NETO2: variants seen among roughly 807,000 people sequenced by gnomAD.
The protein encoded by NETO2 is neuropilin and tolloid-like protein 2.
NETO2 carries 28 observed loss-of-function variants against 62.5 expected under a neutral mutation model. That is an observed-to-expected ratio of 0.45 (90% CI 0.33 to 0.61). The LOEUF (loss-of-function observed/expected upper bound fraction) is 0.61, where lower values mean the gene tolerates loss of function less well. Ranked by LOEUF, NETO2 falls within the 20% of genes least tolerant of loss-of-function variation. NETO2 has a pLI of 0.02. For missense variants in NETO2, 548 were observed against 643.2 expected, an observed-to-expected ratio of 0.85 and a Z score of 1.60; for synonymous variants, 214 against 219.1, an observed-to-expected ratio of 0.98 and a Z score of 0.21.
intron 1 of NETO2, among the ~76,000 whole-genome samples, chr16:47,138,206 C>T (rs890015293): frequency 4.6e-5 from 7 of 152,128 alleles, no homozygotes; most frequent in Admixed American, 3.9e-4. Flanking sequence ...TCAAGACCAG[C>T]CTGAACAATA....
In NETO2 at chr16:47,105,875, G is replaced by A. The variant is rs188154813; in HGVS notation, c.883+3608C>T. Among the ~76,000 whole-genome samples the A allele has an allele frequency of 5.9e-5, 9 of 152,244 alleles. No individual in the cohort carries two copies. The East Asian group carries it at 7.7e-4, about 13-fold the overall frequency. On this transcript the variant is annotated intron_variant, in intron 7 of 8. Transcript: ENST00000562435. The stretch of plus-strand genomic sequence containing the variant: ...TGGAACCCTCTGTGCACTGCTGGTC[G>A]GTGTGTAAAATGGTGCAGCCACTGT...
chr16:47,115,688 G>C (rs936445206), intron 6 of NETO2, among the ~76,000 whole-genome samples: 2 of 121,346 alleles, frequency 1.6e-5, no homozygotes, highest in Non-Finnish European at 3.2e-5. Flanking sequence ...CACCATGCCC[G>C]GCTAATTTTT....
chr16:47,084,958 C>G (rs977876115), intron 8 of NETO2, among the ~76,000 whole-genome samples: 2 of 152,048 alleles, frequency 1.3e-5, no homozygotes, highest in Non-Finnish European at 2.9e-5. Flanking sequence ...TGAAACCAAC[C>G]CCCCTGCCCC....
At chr16:47,139,441 T>C (rs1007234769) in intron 1 of NETO2, among the ~76,000 whole-genome samples, 1 of 152,172 alleles carries the variant, frequency 6.6e-6, no homozygotes, top group African/African-American at 2.4e-5. Context: ...ATTAAGTGTG[T>C]CTCTTTCTAC....
In NETO2 at chr16:47,081,801, A is replaced by G. The variant is rs938094041; in HGVS notation, c.*1420T>C. 6 of 152,456 alleles carry G rather than the reference A, an allele frequency of 3.9e-5. No individual in the cohort carries two copies. The South Asian group carries it at 1.2e-3, about 32-fold the overall frequency. The allele number at this position is 152,456 out of a possible 1,614,324, so 9.4% of individuals were successfully genotyped here. ...ATAACATGATTAAAGGGTCAGGTAC[A>G]ATGTATATTTTAATATGGGATTTGT... On this transcript the variant is annotated 3_prime_UTR_variant, in exon 9 of 9. Coordinates refer to ENST00000562435, the MANE Select transcript of NETO2 (RefSeq NM_018092.5).
At position 47,099,000 on chromosome 16, in the gene NETO2, C is replaced by T. The variant is rs151305219; in HGVS notation, c.883+10483G>A. ...TCAGCCTCACGAGTAGCTGGGATTA[C>T]AGGCGCCCACCACCACACCTGGGTA... On this transcript the variant is annotated intron_variant, in intron 7 of 8. Coordinates refer to ENST00000562435, the MANE Select transcript of NETO2 (RefSeq NM_018092.5). Among the ~76,000 whole-genome samples, 412 of 152,200 alleles carry T rather than the reference C, an allele frequency of 2.7e-3. 3 individuals are homozygous for T. Among genetic ancestry groups the T allele is most frequent in the Middle Eastern group, 6.8e-3 (2 of 294 alleles).
intron 7 of NETO2, among the ~76,000 whole-genome samples, chr16:47,092,330 C>T (rs999746125): frequency 6.6e-6 from 1 of 152,214 alleles, no homozygotes; most frequent in Non-Finnish European, 1.5e-5. Flanking sequence ...GTTCTAGAGT[C>T]CTTCCAGCAA....
intron 7 of NETO2, among the ~76,000 whole-genome samples, chr16:47,096,304 TA>T: frequency 6.6e-6 from 1 of 151,920 alleles, no homozygotes; most frequent in East Asian, 1.9e-4. Context: ...AACAAAATAA[TA>T]AAGATTTGAG....
chr16:47,133,026 A>T (rs149962072), intron 1 of NETO2, among the ~76,000 whole-genome samples: 77 of 152,304 alleles, frequency 5.1e-4, no homozygotes, highest in African/African-American at 1.7e-3. Flanking sequence ...TTTATGTGCC[A>T]GACATTCTGC....
At chr16:47,113,585 C>CTTTTTTTT (rs953891691) in intron 6 of NETO2, among the ~76,000 whole-genome samples, 12 of 106,594 alleles carry the variant, frequency 1.1e-4, no homozygotes, top group Non-Finnish European at 1.5e-4. Flanking sequence ...ACAGTTTATT[C>CTTTTTTTT]TTTTTTTTTT....
chr16:47,135,672 T>C, intron 1 of NETO2, among the ~76,000 whole-genome samples: 1 of 152,102 alleles, frequency 6.6e-6, no homozygotes, highest in East Asian at 1.9e-4. Context: ...CTTTTTACCC[T>C]GAATCACTGT....
chr16:47,092,387 A>G (rs1176861253), intron 7 of NETO2, among the ~76,000 whole-genome samples: 2 of 152,178 alleles, frequency 1.3e-5, no homozygotes, highest in Non-Finnish European at 2.9e-5. Context: ...ACAATTTCCA[A>G]AACATTCTCA....
intron 6 of NETO2, among the ~76,000 whole-genome samples, chr16:47,114,365 CTTT>C (rs34670065): frequency 4.1e-5 from 3 of 72,528 alleles, no homozygotes; most frequent in South Asian, 4.8e-4. Flanking sequence ...CAGTCAGTGG[CTTT>C]TTTTTTTTTT....
chr16:47,132,344 C>T (rs962157701), intron 1 of NETO2, among the ~76,000 whole-genome samples: 1 of 151,134 alleles, frequency 6.6e-6, no homozygotes, highest in African/African-American at 2.4e-5. Flanking sequence ...CCTTGCTCAT[C>T]CTAACTATTC....
intron 7 of NETO2, among the ~76,000 whole-genome samples, chr16:47,107,741 G>A (rs1330425305): frequency 1.3e-5 from 2 of 152,128 alleles, no homozygotes; most frequent in Admixed American, 6.6e-5. Context: ...GCTGAAGCTC[G>A]GGCTTTGAGC....
chr16:47,087,268 C>T (rs1396836133), intron 7 of NETO2, among the ~76,000 whole-genome samples: 1 of 152,146 alleles, frequency 6.6e-6, no homozygotes, highest in Non-Finnish European at 1.5e-5. Context: ...TCGTGATCCA[C>T]CTGCTTTGGC....
intron 1 of NETO2, among the ~76,000 whole-genome samples, chr16:47,140,447 T>C (rs1403823185): frequency 6.6e-6 from 1 of 152,250 alleles, no homozygotes; most frequent in Non-Finnish European, 1.5e-5. Context: ...ACTTTATTTC[T>C]AGTCTATCAT....
In NETO2 at chr16:47,083,084, C is replaced by G. The variant is rs1963102367; in HGVS notation, c.*137G>C. 3 of 725,086 alleles carry G rather than the reference C, an allele frequency of 4.1e-6. No homozygotes were observed. Among genetic ancestry groups the G allele is most frequent in the African/African-American group, 3.6e-5 (2 of 56,102 alleles). 44.9% of individuals were successfully genotyped at this position (725,086 alleles called of 1,614,324 possible). On this transcript the variant is annotated 3_prime_UTR_variant, in exon 9 of 9. Transcript: ENST00000562435. Reference sequence around the variant, plus strand: ...ACTGCCTGAGAGAATAAAAACATCACCATACAATAGGTTAACGGTAAATCA... The same window carrying G: ...ACTGCCTGAGAGAATAAAAACATCAGCATACAATAGGTTAACGGTAAATCA...
At chr16:47,132,974 T>C (rs775613503) in intron 1 of NETO2, among the ~76,000 whole-genome samples, 1 of 152,208 alleles carries the variant, frequency 6.6e-6, no homozygotes, top group Non-Finnish European at 1.5e-5. Flanking sequence ...GTCAACCTCA[T>C]TGGTGGTTGT....
Sources: gnomAD v4.1 joint callset for allele counts (sites outside exome capture counted in the v4.1 genomes callset) on GRCh38, gnomAD v4.1.1 for gene constraint, MANE v1.5 for transcripts, NCBI Gene and HGNC (gene_info 2026-07-23, HGNC 2026-07-21) for gene names.